The following PODXL2 variants were observed in gnomAD, a reference collection of about 807,000 sequenced individuals.
The protein encoded by PODXL2 is podocalyxin-like protein 2.
A neutral mutation model predicts 53.4 loss-of-function variants in PODXL2; 17 were observed. The ratio of observed to expected loss-of-function variants is 0.32; its 90% CI spans 0.22 to 0.48. The LOEUF (loss-of-function observed/expected upper bound fraction) is 0.48. Among genes scored for constraint, PODXL2 ranks in the 20% least tolerant of loss-of-function variants. The pLI, the probability that PODXL2 is intolerant of heterozygous loss-of-function variation, is 0.99. For synonymous variants in PODXL2, 311 were observed against 306.7 expected (o/e 1.01, Z -0.15); for missense variants, 673 against 760.0 (o/e 0.89, Z 1.35).
At chr3:127,631,410 GT>G (rs1054799048) in intron 1 of PODXL2, among the ~76,000 whole-genome samples, 5 of 152,112 alleles carry the variant, frequency 3.3e-5, no homozygotes, top group Non-Finnish European at 5.9e-5. Flanking sequence ...CTGGGGTCTT[GT>G]TTTTTTCACC....
intron 2 of PODXL2, among the ~76,000 whole-genome samples, chr3:127,645,011 G>A (rs1314399701): frequency 6.6e-6 from 1 of 152,208 alleles, no homozygotes; most frequent in East Asian, 1.9e-4. Flanking sequence ...AACTGGAGTT[G>A]CCCATCTTCT....
intron 4 of PODXL2, among the ~76,000 whole-genome samples, chr3:127,662,553 A>G (rs971124070): frequency 2.0e-5 from 3 of 152,200 alleles, no homozygotes; most frequent in African/African-American, 7.2e-5. Context: ...TACTTTGTTC[A>G]TGTGTGCACC....
intron 4 of PODXL2, among the ~76,000 whole-genome samples, chr3:127,663,191 CT>C (rs1185438315): frequency 2.6e-5 from 4 of 152,332 alleles, no homozygotes; most frequent in African/African-American, 9.6e-5. Flanking sequence ...CTTAAGCAAA[CT>C]TTCGACCAGC....
chr3:127,660,668 A>G lies in PODXL2; in HGVS notation c.640A>G (p.Thr214Ala), dbSNP rs755820563. 6.2e-7 allele frequency: 1 copy of G among 1,614,148 alleles called. No individual in the cohort carries two copies. Among genetic ancestry groups the G allele is most frequent in the South Asian group, 1.1e-5 (1 of 91,084 alleles). Residue 214 changes from threonine to alanine, a missense_variant, in exon 3 of 8, where the codon ACC becomes GCC. Coordinates refer to ENST00000342480, the MANE Select transcript of PODXL2 (RefSeq NM_015720.4). The stretch of plus-strand genomic sequence containing the variant: ...CTTTTCTCTCACCAGCAGCAGCCAG[A>G]CCCCAGGGGCCACCAAAAGCAGGCA... ...RDFSLTSSSQ[T>A]PGATKSRHED... is the part of the protein sequence containing the mutation.
In PODXL2 at chr3:127,635,524, A is replaced by G. The variant is rs905180483; in HGVS notation, c.71-3721A>G. ...CTGATCCAAAAGGAGAACTTGATTT[A>G]TAATTTGTCTTAATGTATCATTTGG... On this transcript the variant is annotated intron_variant, in intron 1 of 7. Transcript: ENST00000342480. Among the ~76,000 whole-genome samples the G allele has an allele frequency of 1.1e-4, 17 of 152,372 alleles. 1 individual carries two copies. Among genetic ancestry groups the G allele is most frequent in the South Asian group, 1.0e-3 (5 of 4,828 alleles).
chr3:127,642,274 AG>A (rs1187739556), intron 2 of PODXL2, among the ~76,000 whole-genome samples: 2 of 147,826 alleles, frequency 1.4e-5, no homozygotes, highest in East Asian at 4.0e-4. Context: ...TGGGGGACAG[AG>A]CGAGACTCCA....
At chr3:127,641,455 T>A (rs2074619739) in intron 2 of PODXL2, among the ~76,000 whole-genome samples, 1 of 151,778 alleles carries the variant, frequency 6.6e-6, no homozygotes, top group Non-Finnish European at 1.5e-5. Context: ...GCGATCCTCC[T>A]CCCTTGGCCT....
intron 1 of PODXL2, among the ~76,000 whole-genome samples, chr3:127,633,560 C>G (rs879204561): frequency 6.6e-6 from 1 of 150,856 alleles, no homozygotes; most frequent in South Asian, 2.1e-4. Context: ...TTAATCCCAC[C>G]AGGCCTCAGT....
At chr3:127,658,742 T>A (rs1213961528) in intron 2 of PODXL2, among the ~76,000 whole-genome samples, 3 of 152,214 alleles carry the variant, frequency 2.0e-5, no homozygotes, top group Non-Finnish European at 2.9e-5. Flanking sequence ...TAAAATCACA[T>A]GAGAATGAGG....
chr3:127,630,282 T>C (rs1234294089), intron 1 of PODXL2, among the ~76,000 whole-genome samples: 2 of 152,142 alleles, frequency 1.3e-5, no homozygotes, highest in African/African-American at 4.8e-5. Context: ...ACGGTGTATG[T>C]TAAGGTGTGA....
At chr3:127,647,617 C>T (rs1056178274) in intron 2 of PODXL2, among the ~76,000 whole-genome samples, 11 of 152,222 alleles carry the variant, frequency 7.2e-5, no homozygotes, top group Non-Finnish European at 7.3e-5. Flanking sequence ...CTCGGCGTGC[C>T]GCCCTCAACG....
chr3:127,661,256 T>C (rs1274438245), intron 3 of PODXL2, 97 bp downstream of exon 3: 5 of 924,108 alleles, frequency 5.4e-6, no homozygotes, highest in Non-Finnish European at 6.5e-6. Context: ...ATCTGCCAGG[T>C]TGAGGAGGGA....
chr3:127,668,315 A>G, intron 4 of PODXL2, 126 bp from the exon 5 acceptor site: 1 of 832,496 alleles, frequency 1.2e-6, no homozygotes, highest in Non-Finnish European at 1.7e-6. Context: ...TCCAGAGTTG[A>G]CCAGAGCTGC....
chr3:127,654,446 C>T (rs920598153), intron 2 of PODXL2, among the ~76,000 whole-genome samples: 6 of 152,200 alleles, frequency 3.9e-5, no homozygotes, highest in African/African-American at 4.8e-5. Flanking sequence ...CCTGCTTTCA[C>T]ACTGCTGGTG....
intron 6 of PODXL2, among the ~76,000 whole-genome samples, chr3:127,669,821 A>C (rs752136167): frequency 1.3e-5 from 2 of 152,170 alleles, no homozygotes; most frequent in Non-Finnish European, 2.9e-5. Flanking sequence ...CTGCCGCACA[A>C]GCTTGGATGG....
intron 2 of PODXL2, among the ~76,000 whole-genome samples, chr3:127,655,539 C>T (rs531326345): frequency 1.3e-4 from 20 of 152,266 alleles, no homozygotes; most frequent in Non-Finnish European, 2.8e-4. Flanking sequence ...TGACCAGAGC[C>T]CTGTGTGGCA....
intron 6 of PODXL2, among the ~76,000 whole-genome samples, chr3:127,669,873 C>T (rs1253056684): frequency 6.6e-6 from 1 of 152,184 alleles, no homozygotes; most frequent in East Asian, 1.9e-4. Context: ...ACCACCTTGC[C>T]TATGGGGTCC....
chr3:127,664,968 T>C (rs1248062724), intron 4 of PODXL2, among the ~76,000 whole-genome samples: 1 of 152,236 alleles, frequency 6.6e-6, no homozygotes, highest in African/African-American at 2.4e-5. Flanking sequence ...GAAGACATTA[T>C]TTCCTTTTGC....
intron 2 of PODXL2, among the ~76,000 whole-genome samples, chr3:127,657,685 C>T (rs554806616): frequency 3.3e-5 from 5 of 152,308 alleles, no homozygotes; most frequent in African/African-American, 1.2e-4. Flanking sequence ...AAATATTATG[C>T]TTGTAAGTGA....
Sources: allele counts gnomAD v4.1 joint callset (sites outside exome capture counted in the v4.1 genomes callset), GRCh38; gene constraint gnomAD v4.1.1; transcripts MANE v1.5; gene names NCBI Gene and HGNC (gene_info 2026-07-23, HGNC 2026-07-21).